Variants in LTBP2 observed in about 807,000 individuals in gnomAD.
The protein encoded by LTBP2 is latent transforming growth factor beta binding protein 2, also known as latent-transforming growth factor beta-binding protein 2.
A neutral mutation model predicts 210.6 loss-of-function variants in LTBP2; 103 were observed. That is an observed-to-expected ratio of 0.49 (90% CI 0.42 to 0.58). The LOEUF (loss-of-function observed/expected upper bound fraction) is 0.58. Ranked by LOEUF, LTBP2 falls within the 20% of genes least tolerant of loss-of-function variation. The pLI is 0.00. For missense variants in LTBP2, 2,313 were observed against 2,494.5 expected (o/e 0.93, Z 1.55); for synonymous variants, 1,007 against 1,015.0 (o/e 0.99, Z 0.15).
At chr14:74,521,531 G>A (rs1004709437) in intron 17 of LTBP2, among the ~76,000 whole-genome samples, 4 of 152,164 alleles carry the variant, frequency 2.6e-5, no homozygotes, top group African/African-American at 9.7e-5. Flanking sequence ...TCTGCCAGTA[G>A]TCCCAGCCTG....
intron 31 of LTBP2, 62 bp from the exon 32 acceptor site, chr14:74,503,668 G>T: frequency 6.3e-7 from 1 of 1,599,550 alleles, no homozygotes; most frequent in South Asian, 1.1e-5. Context: ...CACCCTCAGG[G>T]AAGGGTGTTT....
chr14:74,502,847 G>A lies in LTBP2; in HGVS notation c.4976C>T (p.Pro1659Leu), dbSNP rs1213145382. Reference protein sequence around the residue: ...VHFRPGYEYGPGPDDLHYSIY... With the variant: ...VHFRPGYEYGLGPDDLHYSIY... The stretch of plus-strand genomic sequence containing the variant: ...GCTGTAGTGCAGGTCATCGGGCCCG[G>A]GGCCATACTCATAGCCTGGCCGGAA... The change falls in exon 34 of 36, where the codon CCC becomes CTC. Residue 1659 changes from proline (P) to leucine (L), a missense_variant. Coordinates refer to ENST00000261978, the MANE Select transcript of LTBP2 (RefSeq NM_000428.3). The A allele has an allele frequency of 6.2e-7, 1 of 1,614,104 alleles. No individual in the cohort carries two copies. Among genetic ancestry groups the A allele is most frequent in the Non-Finnish European group, 8.5e-7 (1 of 1,180,014 alleles).
In LTBP2 at chr14:74,500,408, G is replaced by GTCCCCAAGCT. The variant is rs1263612555; in HGVS notation, c.*466_*475dup. On this transcript the variant is annotated 3_prime_UTR_variant, in exon 36 of 36. Transcript: ENST00000261978. ...TTCTTAGGAGGGGGCTCTGGAGTCAGTCCCCAAGCTTCCCCAAATCCTTTC... is the reference window on the plus strand; with the variant it reads ...TTCTTAGGAGGGGGCTCTGGAGTCAGTCCCCAAGCTTCCCCAAGCTTCCCCAAATCCTTTC... The GTCCCCAAGCT allele has an allele frequency of 1.6e-4, 56 of 355,666 alleles. No homozygotes were observed. Among genetic ancestry groups the GTCCCCAAGCT allele is most frequent in the African/African-American group, 9.1e-4 (45 of 49,552 alleles). The allele number at this position is 355,666 out of a possible 1,614,324, so 22.0% of individuals were successfully genotyped here. A position where few individuals can be genotyped will look rare whatever the true frequency, so the allele number is the denominator to read the frequency against.
chr14:74,597,448 A>T (rs1421023573), intron 2 of LTBP2, among the ~76,000 whole-genome samples: 1 of 152,154 alleles, frequency 6.6e-6, no homozygotes, highest in South Asian at 2.1e-4. Context: ...GAGGGAGGAA[A>T]CTGCCAGCCA....
intron 3 of LTBP2, among the ~76,000 whole-genome samples, chr14:74,571,048 A>G (rs2087969523): frequency 1.3e-5 from 2 of 152,044 alleles, no homozygotes; most frequent in Non-Finnish European, 2.9e-5. Flanking sequence ...AAAAAAAAAA[A>G]AGAGTGGGCA....
chr14:74,545,891 G>T (rs997244314), intron 8 of LTBP2, among the ~76,000 whole-genome samples: 4 of 152,210 alleles, frequency 2.6e-5, no homozygotes, highest in Non-Finnish European at 5.9e-5. Flanking sequence ...GAGGGGAACT[G>T]TGGGCTGGTC....
Position 74,506,057 on chromosome 14 carries a change from C to A in LTBP2, c.4168G>T (p.Gly1390Trp). The A allele has an allele frequency of 6.2e-7, 1 of 1,614,150 alleles. No homozygotes were observed. The highest frequency in any genetic ancestry group is 8.5e-7 in the Non-Finnish European group (1 of 1,180,036). ...DAQEGHCRPR[G>W]AGGQSMSEAP... ...GTCTCCCAGGCCTCACCTCCAGCCC[C>A]CCGTGGGCGGCAGTGCCCCTCCTGG... Residue 1390 changes from glycine (G) to tryptophan (W), a missense_variant, in exon 28 of 36, where the codon GGG becomes TGG. Gly to Trp is a radical substitution (Grantham distance 184). This residue lies in a region of LTBP2 where 1,867 missense variants were observed against 1,976.9 expected (regional missense o/e 0.94). Coordinates refer to ENST00000261978, the MANE Select transcript of LTBP2 (RefSeq NM_000428.3).
At chr14:74,595,981 G>A (rs972664942) in intron 2 of LTBP2, among the ~76,000 whole-genome samples, 1 of 152,128 alleles carries the variant, frequency 6.6e-6, no homozygotes, top group Non-Finnish European at 1.5e-5. Context: ...TGGATCACCT[G>A]AGGTCAGGTG....
intron 1 of LTBP2, 138 bp from the exon 2 acceptor site, chr14:74,603,843 T>C (rs910543014): frequency 4.1e-6 from 3 of 737,658 alleles, no homozygotes; most frequent in Admixed American, 2.0e-5. Flanking sequence ...CCTATTCTAC[T>C]TGCAAATCTA....
chr14:74,527,215 A>C (rs1486477070), intron 13 of LTBP2, 132 bp downstream of exon 13: 1 of 1,194,056 alleles, frequency 8.4e-7, no homozygotes, highest in African/African-American at 1.5e-5. Context: ...CATCTCTTCA[A>C]GTAAAATCTA....
intron 8 of LTBP2, among the ~76,000 whole-genome samples, chr14:74,541,659 A>C (rs2087509986): frequency 6.6e-6 from 1 of 152,122 alleles, no homozygotes; most frequent in African/African-American, 2.4e-5. Context: ...GTCTAGGCAG[A>C]AAACCCTAGG....
intron 1 of LTBP2, among the ~76,000 whole-genome samples, chr14:74,606,145 A>G (rs1230493464): frequency 6.6e-6 from 1 of 152,198 alleles, no homozygotes; most frequent in Non-Finnish European, 1.5e-5. Context: ...GACACCACTC[A>G]GCACACATTA....
At chr14:74,526,632 GGGGACCAGA>G (rs1482168458) in intron 13 of LTBP2, among the ~76,000 whole-genome samples, 1 of 152,224 alleles carries the variant, frequency 6.6e-6, no homozygotes, top group Non-Finnish European at 1.5e-5. Context: ...CTGCGTCTGT[GGGGACCAGA>G]GTTAGAGCTT....
intron 6 of LTBP2, 95 bp from the exon 7 acceptor site, chr14:74,551,445 G>T: frequency 8.0e-7 from 1 of 1,242,820 alleles, no homozygotes; most frequent in Non-Finnish European, 1.1e-6. Context: ...GGCCAGGCAG[G>T]CCACTGGCTA....
At chr14:74,558,910 C>T (rs1184298612) in intron 3 of LTBP2, among the ~76,000 whole-genome samples, 1 of 152,192 alleles carries the variant, frequency 6.6e-6, no homozygotes, top group Non-Finnish European at 1.5e-5. Flanking sequence ...TTACTAGCAG[C>T]ACAGCCTTGA....
intron 21 of LTBP2, 128 bp from the exon 22 acceptor site, chr14:74,509,491 C>T (rs1344871484): frequency 7.4e-7 from 1 of 1,353,166 alleles, no homozygotes; most frequent in Non-Finnish European, 1.0e-6. Context: ...CTAGAACGCT[C>T]CCAGGACAGC....
intron 3 of LTBP2, among the ~76,000 whole-genome samples, chr14:74,583,930 G>T (rs913158871): frequency 2.0e-5 from 3 of 152,234 alleles, no homozygotes; most frequent in African/African-American, 7.2e-5. Flanking sequence ...ACCGGCAGGG[G>T]CCTCACCTCC....
Position 74,508,734 on chromosome 14 carries a change from A to G in LTBP2, c.3527-5T>C. ...CCCCCATGCACTCATTCACATCTGC[A>G]GGGAAAAGATGGGGAGTGGGTGTCT... On this transcript the variant is annotated splice_polypyrimidine_tract_variant and splice_region_variant and intron_variant, in intron 23 of 35. Transcript: ENST00000261978. 1 of 1,613,660 alleles carries G rather than the reference A, an allele frequency of 6.2e-7. No homozygotes were observed. Among genetic ancestry groups the G allele is most frequent in the Non-Finnish European group, 8.5e-7 (1 of 1,179,828 alleles).
chr14:74,570,944 C>A (rs2087966897), intron 3 of LTBP2, among the ~76,000 whole-genome samples: 1 of 152,084 alleles, frequency 6.6e-6, no homozygotes, highest in African/African-American at 2.4e-5. Context: ...CTCAGATAAC[C>A]CCCGAGGCAG....
Sources: gnomAD v4.1 joint callset for allele counts (sites outside exome capture counted in the v4.1 genomes callset) on GRCh38, gnomAD v4.1.1 for gene constraint, gnomAD v4.1.1 regional missense constraint, MANE v1.5 for transcripts, NCBI Gene and HGNC (gene_info 2026-07-23, HGNC 2026-07-21) for gene names.